NECAB1: variants seen among roughly 807,000 people sequenced by gnomAD.
The protein encoded by NECAB1 is N-terminal EF-hand calcium binding protein 1.
In NECAB1, 29 loss-of-function variants were observed where a neutral mutation model predicts 57.5. The observed-to-expected ratio is 0.50, with a 90% CI of 0.38 to 0.69. The LOEUF (loss-of-function observed/expected upper bound fraction) is 0.69, where lower values mean the gene tolerates loss of function less well. Among genes scored for constraint, NECAB1 ranks in the 30% least tolerant of loss-of-function variants. NECAB1 has a pLI of 0.00. For missense variants in NECAB1, 372 were observed against 413.8 expected, an observed-to-expected ratio of 0.90 and a Z score of 0.88; for synonymous variants, 142 against 147.7, an observed-to-expected ratio of 0.96 and a Z score of 0.28.
rs528124082 is a variant in NECAB1 at position 90,951,138 on chromosome 8, A to T, written c.964A>T (p.Thr322Ser). The stretch of plus-strand genomic sequence containing the variant: ...CCACCTTCAGACAAATTATAGCAAG[A>T]CATTCCAAAGAAGTAATGTGGATTT... ...NSHLQTNYSK[T>S]FQRSNVDFLE... The change falls in exon 12 of 13, where the codon ACA becomes TCA. Residue 322 changes from threonine (T) to serine (S), a missense_variant. Thr to Ser is a moderately conservative substitution (Grantham distance 58). Coordinates refer to ENST00000417640, the MANE Select transcript of NECAB1 (RefSeq NM_022351.5). The T allele has an allele frequency of 2.5e-6, 4 of 1,601,008 alleles. No homozygotes were observed. The highest frequency in any genetic ancestry group is 1.3e-5 in the African/African-American group (1 of 74,082).
chr8:90,828,129 C>A (rs1002471134), intron 3 of NECAB1, among the ~76,000 whole-genome samples: 14 of 113,042 alleles, frequency 1.2e-4, no homozygotes, highest in African/African-American at 6.2e-4. Flanking sequence ...TAGTTCACTG[C>A]AGTTTTTTTT....
intron 5 of NECAB1, among the ~76,000 whole-genome samples, chr8:90,893,814 A>G (rs1274355475): frequency 4.6e-5 from 7 of 151,422 alleles, no homozygotes; most frequent in African/African-American, 1.7e-4. Context: ...TTTTAATCCT[A>G]GTGCTCATAC....
intron 3 of NECAB1, among the ~76,000 whole-genome samples, chr8:90,870,513 A>G (rs892082428): frequency 6.6e-6 from 1 of 152,128 alleles, no homozygotes; most frequent in African/African-American, 2.4e-5. Context: ...TTCAATTTTT[A>G]TTACAGTGTT....
intron 3 of NECAB1, among the ~76,000 whole-genome samples, chr8:90,836,971 C>T (rs1447764055): frequency 1.3e-5 from 2 of 152,200 alleles, no homozygotes; most frequent in African/African-American, 2.4e-5. Flanking sequence ...CACTCTTGTT[C>T]TTTAACATTT....
chr8:90,899,696 TGTACA>T (rs1414220999), intron 5 of NECAB1, among the ~76,000 whole-genome samples: 2 of 152,326 alleles, frequency 1.3e-5, no homozygotes, highest in African/African-American at 4.8e-5. Flanking sequence ...TGTGTGATAT[TGTACA>T]GTACATTTGA....
intron 12 of NECAB1, among the ~76,000 whole-genome samples, chr8:90,951,950 T>C (rs1810931034): frequency 6.6e-6 from 1 of 152,136 alleles, no homozygotes; most frequent in Admixed American, 6.6e-5. Flanking sequence ...AATTTGGACA[T>C]GAACAAATGC....
chr8:90,903,479 A>G (rs1041146920), intron 5 of NECAB1, among the ~76,000 whole-genome samples: 2 of 152,188 alleles, frequency 1.3e-5, no homozygotes, highest in African/African-American at 4.8e-5. Context: ...GTTACTAAAA[A>G]CAGTTGCTTT....
chr8:90,890,496 T>TAA (rs1488649911), intron 5 of NECAB1, among the ~76,000 whole-genome samples: 1 of 152,164 alleles, frequency 6.6e-6, no homozygotes, highest in Non-Finnish European at 1.5e-5. Flanking sequence ...ACTAATACAG[T>TAA]AAAAATTCTG....
At chr8:90,795,990 A>T (rs1299131600) in intron 1 of NECAB1, among the ~76,000 whole-genome samples, 1 of 152,232 alleles carries the variant, frequency 6.6e-6, no homozygotes. Flanking sequence ...AACTTAAAAA[A>T]TTTTTAAAAA....
At chr8:90,897,220 A>C (rs1399041741) in intron 5 of NECAB1, among the ~76,000 whole-genome samples, 2 of 152,212 alleles carry the variant, frequency 1.3e-5, no homozygotes, top group East Asian at 3.8e-4. Context: ...CAGATTTACT[A>C]TAGGTCCACC....
chr8:90,852,664 G>A (rs932332164), intron 3 of NECAB1, among the ~76,000 whole-genome samples: 10 of 152,310 alleles, frequency 6.6e-5, no homozygotes. Flanking sequence ...CTGGATATCA[G>A]AGAGAAGTGG....
rs1403934365 is a variant in NECAB1, at chr8:90,956,431, ATAG to A, written c.*924_*926del. 1 of 151,990 alleles carries A rather than the reference ATAG, an allele frequency of 6.6e-6. No homozygotes were observed. The highest frequency in any genetic ancestry group is 1.9e-4 in the East Asian group (1 of 5,198). 9.4% of individuals were successfully genotyped at this position (151,990 alleles called of 1,614,324 possible). On this transcript the variant is annotated 3_prime_UTR_variant, in exon 13 of 13. Coordinates refer to ENST00000417640, the MANE Select transcript of NECAB1 (RefSeq NM_022351.5). The stretch of plus-strand genomic sequence containing the variant: ...CACAAAATCTTAGGGAAGTCATAAA[ATAG>A]TAGTGAAAGTATTAGACAGAAGACA...
chr8:90,934,427 A>G lies in NECAB1; in HGVS notation c.747+70A>G, dbSNP rs1035147545. The G allele has an allele frequency of 3.1e-5, 33 of 1,075,390 alleles. No individual in the cohort carries two copies. The East Asian group carries it at 6.5e-4, about 21-fold the overall frequency. The allele number at this position is 1,075,390 out of a possible 1,614,324, so 66.6% of individuals were successfully genotyped here. A position where few individuals can be genotyped will look rare whatever the true frequency, so the allele number is the denominator to read the frequency against. On this transcript the variant is annotated intron_variant, in intron 9 of 12. Coordinates refer to ENST00000417640, the MANE Select transcript of NECAB1 (RefSeq NM_022351.5). ...AAAACATAATTTAATTTCTTCAAAA[A>G]TTAGTTATCTCAATGAAAAATTGAA... is the stretch of plus-strand genomic sequence containing the variant.
intron 4 of NECAB1, among the ~76,000 whole-genome samples, chr8:90,880,594 C>A (rs1000687883): frequency 6.6e-6 from 1 of 151,378 alleles, no homozygotes; most frequent in Non-Finnish European, 1.5e-5. Flanking sequence ...AAGACCCTCT[C>A]ATGTTTTGCA....
intron 1 of NECAB1, among the ~76,000 whole-genome samples, chr8:90,794,074 T>C (rs979822560): frequency 3.3e-5 from 5 of 152,168 alleles, no homozygotes; most frequent in Non-Finnish European, 7.4e-5. Flanking sequence ...GGTGTTGACA[T>C]GCTTGTTTGT....
chr8:90,806,987 AT>A (rs1035991999), intron 2 of NECAB1, among the ~76,000 whole-genome samples: 2 of 151,922 alleles, frequency 1.3e-5, no homozygotes, highest in South Asian at 2.1e-4. Flanking sequence ...ATATTTGGTG[AT>A]TTTTTTTCAC....
rs1811981244 is a variant in NECAB1, at chr8:90,812,634, A to ACTGAATTATT, written c.124+10920_124+10929dup. The ACTGAATTATT allele has an allele frequency of 5.3e-5, 8 of 152,240 alleles. No homozygotes were observed. The South Asian group carries it at 1.7e-3, about 32-fold the overall frequency. The allele number at this position is 152,240 out of a possible 1,614,324, so 9.4% of individuals were successfully genotyped here. A position where few individuals can be genotyped will look rare whatever the true frequency, so the allele number is the denominator to read the frequency against. ...AAGTCAGTAACGAGCCAAGCATTTG[A>ACTGAATTATT]CTGAATTATTTATTTTTCTACCTGA... On this transcript the variant is annotated intron_variant, in intron 2 of 12. Coordinates refer to ENST00000417640, the MANE Select transcript of NECAB1 (RefSeq NM_022351.5).
At chr8:90,852,802 A>G (rs1341905435) in intron 3 of NECAB1, among the ~76,000 whole-genome samples, 1 of 152,190 alleles carries the variant, frequency 6.6e-6, no homozygotes, top group Non-Finnish European at 1.5e-5. Flanking sequence ...ACTGAGAGCC[A>G]CTTTCATCAG....
intron 3 of NECAB1, among the ~76,000 whole-genome samples, chr8:90,828,604 A>T (rs1812259916): frequency 6.6e-6 from 1 of 152,052 alleles, no homozygotes; most frequent in African/African-American, 2.4e-5. Flanking sequence ...AGAAGTGAAA[A>T]GAACCCTGAG....
Sources: allele counts gnomAD v4.1 joint callset (sites outside exome capture counted in the v4.1 genomes callset), GRCh38; gene constraint gnomAD v4.1.1; transcripts MANE v1.5; gene names NCBI Gene and HGNC (gene_info 2026-07-23, HGNC 2026-07-21).